Variants in MSRA observed in about 807,000 individuals in gnomAD.
MSRA encodes methionine sulfoxide reductase A, also known as mitochondrial peptide methionine sulfoxide reductase.
In MSRA, 54 loss-of-function variants were observed where a neutral mutation model predicts 31.3. The observed-to-expected ratio is 1.73, with a 90% CI of 1.39 to 2.17. The LOEUF (loss-of-function observed/expected upper bound fraction) is 2.17, where lower values mean the gene tolerates loss of function less well. MSRA is among the 30% of genes most tolerant of loss of function. MSRA has a pLI of 0.00. For synonymous variants in MSRA, 169 were observed against 116.5 expected (o/e 1.45, Z -2.90); for missense variants, 507 against 300.9 (o/e 1.69, Z -5.07).
intron 2 of MSRA, among the ~76,000 whole-genome samples, chr8:10,223,530 G>T (rs1810709825): frequency 6.6e-6 from 1 of 152,174 alleles, no homozygotes; most frequent in Non-Finnish European, 1.5e-5. Context: ...TGAATTTGAA[G>T]ACAGGTCAGT....
chr8:10,212,948 G>A (rs1809638145), intron 2 of MSRA, among the ~76,000 whole-genome samples: 2 of 152,102 alleles, frequency 1.3e-5, no homozygotes, highest in South Asian at 4.1e-4. Flanking sequence ...GGGCATGTGA[G>A]ATGTTTTGAT....
intron 1 of MSRA, among the ~76,000 whole-genome samples, chr8:10,172,595 T>C (rs900778087): frequency 5.3e-5 from 8 of 152,224 alleles, no homozygotes; most frequent in Middle Eastern, 6.8e-3. Context: ...AAAGATAGAC[T>C]TAGAACTCAG....
intron 5 of MSRA, among the ~76,000 whole-genome samples, chr8:10,379,811 T>C (rs1162890052): frequency 3.3e-5 from 5 of 152,228 alleles, no homozygotes; most frequent in Non-Finnish European, 7.3e-5. Flanking sequence ...TCTGCAGGCG[T>C]GCTCCATCAG....
At chr8:10,092,516 G>A (rs1047634482) in intron 1 of MSRA, among the ~76,000 whole-genome samples, 1 of 152,152 alleles carries the variant, frequency 6.6e-6, no homozygotes, top group African/African-American at 2.4e-5. Context: ...AAGTTAGCTG[G>A]GCATGGTGGC....
chr8:10,147,166 G>C (rs561543545), intron 1 of MSRA, among the ~76,000 whole-genome samples: 4 of 152,196 alleles, frequency 2.6e-5, no homozygotes, highest in African/African-American at 9.6e-5. Context: ...GGGAGAGAGG[G>C]TCTGACGGGT....
At chr8:10,208,600 G>T (rs1585172740) in intron 2 of MSRA, among the ~76,000 whole-genome samples, 3 of 151,504 alleles carry the variant, frequency 2.0e-5, no homozygotes, top group East Asian at 3.9e-4. Context: ...CTCTTCTTCT[G>T]TTGGGCCCAT....
intron 2 of MSRA, among the ~76,000 whole-genome samples, chr8:10,242,596 T>TA (rs1797392888): frequency 6.6e-6 from 1 of 152,204 alleles, no homozygotes; most frequent in African/African-American, 2.4e-5. Context: ...AACAAAAGGC[T>TA]AAAAATAAGT....
chr8:10,405,429 A>G (rs962336118), intron 5 of MSRA, among the ~76,000 whole-genome samples: 1 of 152,204 alleles, frequency 6.6e-6, no homozygotes, highest in South Asian at 2.1e-4. Context: ...CTGTTCCATC[A>G]TGGCAGAAGG....
At chr8:10,365,723 C>A (rs905321006) in intron 5 of MSRA, among the ~76,000 whole-genome samples, 2 of 152,194 alleles carry the variant, frequency 1.3e-5, no homozygotes, top group African/African-American at 4.8e-5. Context: ...CTCCTAATCC[C>A]AGCCTATAGG....
At chr8:10,063,647 G>A (rs2628138) in intron 1 of MSRA, among the ~76,000 whole-genome samples, 54,536 of 151,978 alleles carry the variant, frequency 0.36, 9,880 homozygotes, top group Admixed American at 0.41. Context: ...TAGTGCCCTT[G>A]TAAAAGAGAC....
intron 5 of MSRA, among the ~76,000 whole-genome samples, chr8:10,406,848 G>C (rs997197971): frequency 7.2e-5 from 11 of 152,204 alleles, no homozygotes; most frequent in African/African-American, 2.7e-4. Flanking sequence ...GTCTTGCCTT[G>C]TCAGACGTGA....
intron 2 of MSRA, among the ~76,000 whole-genome samples, chr8:10,237,726 A>G (rs763942531): frequency 6.6e-6 from 1 of 152,220 alleles, no homozygotes; most frequent in Non-Finnish European, 1.5e-5. Flanking sequence ...CGAGTCAGCC[A>G]TAACCCTCTC....
At chr8:10,193,529 G>C (rs1807712071) in intron 1 of MSRA, among the ~76,000 whole-genome samples, 1 of 152,196 alleles carries the variant, frequency 6.6e-6, no homozygotes. Context: ...AGACGGTGCT[G>C]CTATCCCTAA....
At chr8:10,183,021 C>A (rs911210728) in intron 1 of MSRA, among the ~76,000 whole-genome samples, 2 of 152,228 alleles carry the variant, frequency 1.3e-5, no homozygotes, top group Non-Finnish European at 2.9e-5. Context: ...ATTCCATGAG[C>A]CAACCAGCCA....
At position 10,318,034 on chromosome 8, in the gene MSRA, C is replaced by T. The variant is rs936299224; in HGVS notation, c.437-1849C>T. Among the ~76,000 whole-genome samples the T allele has an allele frequency of 2.6e-5, 4 of 152,300 alleles. No homozygotes were observed. The East Asian group carries it at 7.7e-4, about 29-fold the overall frequency. On this transcript the variant is annotated intron_variant, in intron 4 of 5. Transcript: ENST00000317173. ...GTCCTCAGAACGTTCCAAGCTTGTTCTTATTTCTGGGCCTTGGGCTGGGAT... is the reference window on the plus strand; with the variant it reads ...GTCCTCAGAACGTTCCAAGCTTGTTTTTATTTCTGGGCCTTGGGCTGGGAT...
At chr8:10,267,953 G>A (rs749133027) in intron 3 of MSRA, among the ~76,000 whole-genome samples, 10 of 152,124 alleles carry the variant, frequency 6.6e-5, no homozygotes, top group African/African-American at 1.9e-4. Context: ...ACCCTGAGGC[G>A]GGGTTGCCAC....
intron 2 of MSRA, among the ~76,000 whole-genome samples, chr8:10,243,363 C>T (rs1585256128): frequency 6.6e-6 from 1 of 152,236 alleles, no homozygotes; most frequent in Non-Finnish European, 1.5e-5. Flanking sequence ...TTGTCCTTTT[C>T]CAGAGAATCC....
intron 1 of MSRA, among the ~76,000 whole-genome samples, chr8:10,113,381 G>C (rs1051567546): frequency 2.1e-5 from 3 of 142,350 alleles, no homozygotes; most frequent in Non-Finnish European, 4.5e-5. Context: ...GGGAAGGGAG[G>C]ATCTATGGCA....
At chr8:10,193,327 A>G (rs570341629) in intron 1 of MSRA, among the ~76,000 whole-genome samples, 114 of 152,280 alleles carry the variant, frequency 7.5e-4, no homozygotes, top group Admixed American at 1.8e-3. Flanking sequence ...TGAGAGAGAC[A>G]CTGCGCAGGC....
Sources: gnomAD v4.1 joint callset for allele counts (sites outside exome capture counted in the v4.1 genomes callset) on GRCh38, gnomAD v4.1.1 for gene constraint, MANE v1.5 for transcripts, NCBI Gene and HGNC (gene_info 2026-07-23, HGNC 2026-07-21) for gene names.